The following PRKCE variants were observed in gnomAD, a reference collection of about 807,000 sequenced individuals.
PRKCE encodes the protein protein kinase C epsilon type.
Under a neutral mutation model 85.4 loss-of-function variants are expected in PRKCE, and 16 were observed. The ratio of observed to expected loss-of-function variants is 0.19; its 90% CI spans 0.13 to 0.28. PRKCE has a LOEUF of 0.28. Among genes scored for constraint, PRKCE ranks in the 10% least tolerant of loss-of-function variants. The pLI is 1.00. For missense variants in PRKCE, 573 were observed against 975.2 expected (o/e 0.59, Z 5.49); for synonymous variants, 388 against 371.5 (o/e 1.04, Z -0.51).
At chr2:45,730,022 G>C (rs1245419871) in intron 1 of PRKCE, among the ~76,000 whole-genome samples, 1 of 152,188 alleles carries the variant, frequency 6.6e-6, no homozygotes, top group Non-Finnish European at 1.5e-5. Context: ...TGGATGTTTT[G>C]AGTCCGTTGG....
chr2:45,913,015 T>G (rs1697495228), intron 2 of PRKCE, among the ~76,000 whole-genome samples: 1 of 152,182 alleles, frequency 6.6e-6, no homozygotes, highest in African/African-American at 2.4e-5. Flanking sequence ...GTGAGGGAGC[T>G]AAACAAGTAC....
chr2:45,922,854 C>G (rs1698352820), intron 2 of PRKCE, among the ~76,000 whole-genome samples: 1 of 152,234 alleles, frequency 6.6e-6, no homozygotes, highest in Non-Finnish European at 1.5e-5. Context: ...ACACCTTTCT[C>G]TTGCAGCTCT....
intron 11 of PRKCE, among the ~76,000 whole-genome samples, chr2:46,087,038 G>A (rs1046000819): frequency 3.9e-5 from 6 of 152,180 alleles, no homozygotes; most frequent in African/African-American, 1.2e-4. Context: ...TCTGGGAGGA[G>A]TAAATATTTA....
rs1214305295 is a variant in PRKCE at position 45,970,490 on chromosome 2, G to C, written c.413-5939G>C. On this transcript the variant is annotated intron_variant, in intron 2 of 14. Transcript: ENST00000306156. ...AAATTCAGATTGTGAAGCATTCAAT[G>C]TGACAACATCCTGGATGCTACATAA... Among the ~76,000 whole-genome samples the C allele has an allele frequency of 3.9e-5, 6 of 152,240 alleles. 1 individual carries two copies. The South Asian group carries it at 6.2e-4, about 16-fold the overall frequency.
intron 1 of PRKCE, among the ~76,000 whole-genome samples, chr2:45,810,103 C>T (rs193007061): frequency 1.3e-5 from 2 of 151,718 alleles, no homozygotes; most frequent in East Asian, 2.0e-4. Context: ...TGCAATGGTG[C>T]GATCTCAGCT....
chr2:45,959,024 A>G (rs577068042), intron 2 of PRKCE, among the ~76,000 whole-genome samples: 2 of 151,300 alleles, frequency 1.3e-5, no homozygotes, highest in East Asian at 3.9e-4. Context: ...TTAAGAGTCA[A>G]CCTGAAGTTC....
intron 10 of PRKCE, among the ~76,000 whole-genome samples, chr2:46,023,356 C>T (rs1011695182): frequency 6.6e-6 from 1 of 152,212 alleles, no homozygotes; most frequent in African/African-American, 2.4e-5. Flanking sequence ...AACCCTGTAA[C>T]CTGTTTAGTC....
chr2:45,980,790 C>G (rs1471410990), intron 5 of PRKCE, among the ~76,000 whole-genome samples: 1 of 152,146 alleles, frequency 6.6e-6, no homozygotes, highest in East Asian at 1.9e-4. Context: ...GTGGAATGAG[C>G]AAGCCCAAGG....
At chr2:46,114,685 C>A (rs1449395938) in intron 11 of PRKCE, among the ~76,000 whole-genome samples, 1 of 151,754 alleles carries the variant, frequency 6.6e-6, no homozygotes, top group Admixed American at 6.6e-5. Context: ...TCCTAAAGTG[C>A]TGAGATTACA....
chr2:46,090,466 C>T (rs1339665323), intron 11 of PRKCE, among the ~76,000 whole-genome samples: 1 of 152,116 alleles, frequency 6.6e-6, no homozygotes, highest in Non-Finnish European at 1.5e-5. Flanking sequence ...GAGAACTCCA[C>T]CTGAGAGTGC....
At chr2:46,133,690 T>A (rs1367803427) in intron 11 of PRKCE, among the ~76,000 whole-genome samples, 1 of 152,056 alleles carries the variant, frequency 6.6e-6, no homozygotes, top group African/African-American at 2.4e-5. Flanking sequence ...CATCATTTCG[T>A]TCTGACATTC....
chr2:46,151,117 G>A lies in PRKCE; in HGVS notation c.1808G>A (p.Gly603Glu). ...GTGCTGATGTACGAGATGATGGCTGGACAGCCTCCCTTTGAGGCCGACAAT... is the reference window on the plus strand; with the variant it reads ...GTGCTGATGTACGAGATGATGGCTGAACAGCCTCCCTTTGAGGCCGACAAT... ...LGVLMYEMMA[G>E]QPPFEADNED... Residue 603 changes from glycine (G) to glutamate (E), a missense_variant, in exon 13 of 15, where the codon GGA becomes GAA. Transcript: ENST00000306156. 1 of 1,599,554 alleles carries A rather than the reference G, an allele frequency of 6.3e-7. No homozygotes were observed.
intron 1 of PRKCE, among the ~76,000 whole-genome samples, chr2:45,716,575 G>A (rs932353946): frequency 6.7e-6 from 1 of 149,800 alleles, no homozygotes; most frequent in African/African-American, 2.5e-5. Flanking sequence ...AAGAAAGGAA[G>A]AAAGGAAGAA....
intron 2 of PRKCE, among the ~76,000 whole-genome samples, chr2:45,938,987 T>C (rs1419593493): frequency 6.6e-6 from 1 of 152,182 alleles, no homozygotes; most frequent in African/African-American, 2.4e-5. Flanking sequence ...TCCAGCGCAG[T>C]AGGCTAATTC....
chr2:45,751,887 G>A (rs546695670), intron 1 of PRKCE, among the ~76,000 whole-genome samples: 2,753 of 134,306 alleles, frequency 0.02, 43 homozygotes, highest in Middle Eastern at 0.075. Flanking sequence ...GCGGGATCTC[G>A]GCTCACTGCA....
chr2:46,181,556 A>C (rs765536514), intron 14 of PRKCE, among the ~76,000 whole-genome samples: 5 of 152,236 alleles, frequency 3.3e-5, no homozygotes, highest in African/African-American at 4.8e-5. Flanking sequence ...CACCACTAGC[A>C]GTATTGACTG....
intron 2 of PRKCE, among the ~76,000 whole-genome samples, chr2:45,950,659 A>C (rs749800734): frequency 1.3e-4 from 20 of 152,134 alleles, no homozygotes; most frequent in South Asian, 4.1e-4. Flanking sequence ...CTAATAAGCC[A>C]TGGAGTGAAA....
intron 1 of PRKCE, among the ~76,000 whole-genome samples, chr2:45,670,568 AC>A (rs759384741): frequency 5.3e-5 from 8 of 152,230 alleles, no homozygotes; most frequent in Non-Finnish European, 1.2e-4. Flanking sequence ...GTTTAAAAAA[AC>A]ATTGAGAAAT....
At chr2:45,837,012 T>C in intron 1 of PRKCE, among the ~76,000 whole-genome samples, 1 of 152,210 alleles carries the variant, frequency 6.6e-6, no homozygotes, top group Non-Finnish European at 1.5e-5. Context: ...AAGTTGAACC[T>C]ATGGTTAGGA....
Sources: allele counts gnomAD v4.1 joint callset (sites outside exome capture counted in the v4.1 genomes callset), GRCh38; gene constraint gnomAD v4.1.1; transcripts MANE v1.5; gene names NCBI Gene and HGNC (gene_info 2026-07-23, HGNC 2026-07-21).